RGPD3: variants seen among roughly 807,000 people sequenced by gnomAD.
The protein encoded by RGPD3 is RANBP2 like and GRIP domain containing 3.
Under a neutral mutation model 154.5 loss-of-function variants are expected in RGPD3, and 62 were observed. The observed-to-expected ratio is 0.40, with a 90% CI of 0.33 to 0.50. The LOEUF (loss-of-function observed/expected upper bound fraction) is 0.50. RGPD3 is among the 20% of genes least tolerant of loss of function. The pLI, the probability that RGPD3 is intolerant of heterozygous loss-of-function variation, is 0.59. For missense variants in RGPD3, 919 were observed against 1,716.8 expected (o/e 0.54, Z 8.21); for synonymous variants, 308 against 607.0 (o/e 0.51, Z 7.24).
At chr2:106,466,355 G>C (rs1389683426) in intron 1 of RGPD3, among the ~76,000 whole-genome samples, 9 of 149,980 alleles carry the variant, frequency 6.0e-5, no homozygotes, top group East Asian at 2.0e-4. Context: ...CTGAGCCATC[G>C]AGGCCGCCGC....
At chr2:106,455,053 C>A (rs571336858) in intron 4 of RGPD3, among the ~76,000 whole-genome samples, 2 of 152,176 alleles carry the variant, frequency 1.3e-5, no homozygotes. Flanking sequence ...GTAATCCCAG[C>A]ACTTTGGGAG....
In RGPD3 at chr2:106,457,216, A is replaced by C. The variant is rs1241324915; in HGVS notation, c.253-93T>G. 15 of 1,505,562 alleles carry C rather than the reference A, an allele frequency of 1.0e-5. No individual in the cohort carries two copies. In the East Asian group the frequency reaches 3.8e-4, roughly 38 times the overall value. 93.3% of individuals were successfully genotyped at this position (1,505,562 alleles called of 1,614,324 possible). Reference sequence around the variant, plus strand: ...TTATATACTTATATATAAAGGTTAAAAATTATCACTCCAACCCTTAAAAAA... The same window carrying C: ...TTATATACTTATATATAAAGGTTAACAATTATCACTCCAACCCTTAAAAAA... On this transcript the variant is annotated intron_variant, in intron 3 of 22. Transcript: ENST00000409886.
In RGPD3 at chr2:106,439,948, T is replaced by C. The variant is rs1677688693; in HGVS notation, c.1067-771A>G. Among the ~76,000 whole-genome samples, 5 of 110,244 alleles carry C rather than the reference T, an allele frequency of 4.5e-5. No homozygotes were observed. In the South Asian group the frequency reaches 1.6e-3, roughly 36 times the overall value. The allele number at this position is 110,244 out of a possible 152,430, so 72.3% of individuals were successfully genotyped here. The stretch of plus-strand genomic sequence containing the variant: ...AGGTTTACAGTAAGCAATCAAAAAA[T>C]CATAGTCCTCGGATAAAGTACTGAT... On this transcript the variant is annotated intron_variant, in intron 8 of 22. Coordinates refer to ENST00000409886, the MANE Select transcript of RGPD3 (RefSeq NM_001144013.2).
At position 106,405,308 on chromosome 2, in the gene RGPD3, T is replaced by C. The variant is rs950588300; in HGVS notation, c.5267-79A>G. ...TGTAAAATCTATATTTTAGAACCACTCTACAATATAAGCAAATAATGTCTT... is the reference window on the plus strand; with the variant it reads ...TGTAAAATCTATATTTTAGAACCACCCTACAATATAAGCAAATAATGTCTT... On this transcript the variant is annotated intron_variant, in intron 22 of 22. Transcript: ENST00000409886. 26 of 1,213,536 alleles carry C rather than the reference T, an allele frequency of 2.1e-5. No individual in the cohort carries two copies. In the African/African-American group the frequency reaches 3.1e-4, roughly 15 times the overall value. The allele number at this position is 1,213,536 out of a possible 1,614,324, so 75.2% of individuals were successfully genotyped here. A position where few individuals can be genotyped will look rare whatever the true frequency, so the allele number is the denominator to read the frequency against.
At chr2:106,418,865 G>T (rs1346195884) in intron 20 of RGPD3, among the ~76,000 whole-genome samples, 1 of 150,642 alleles carries the variant, frequency 6.6e-6, no homozygotes, top group African/African-American at 2.4e-5. Context: ...ACCACGCCTG[G>T]TCTAAACTGT....
chr2:106,446,373 C>T (rs1235925276), intron 7 of RGPD3, among the ~76,000 whole-genome samples: 2 of 152,042 alleles, frequency 1.3e-5, no homozygotes, highest in Admixed American at 6.6e-5. Flanking sequence ...TGAGACCATC[C>T]TGGCTAACAT....
intron 22 of RGPD3, among the ~76,000 whole-genome samples, chr2:106,412,185 C>T (rs1676690531): frequency 7.0e-6 from 1 of 142,966 alleles, no homozygotes; most frequent in Non-Finnish European, 1.5e-5. Flanking sequence ...TAAGATGCAG[C>T]TTGAATTCAG....
At chr2:106,412,028 C>T (rs564689158) in intron 22 of RGPD3, among the ~76,000 whole-genome samples, 29 of 146,548 alleles carry the variant, frequency 2.0e-4, no homozygotes, top group Non-Finnish European at 3.4e-4. Flanking sequence ...TCTAACTCTC[C>T]CCTATTTACG....
intron 4 of RGPD3, among the ~76,000 whole-genome samples, chr2:106,455,161 C>G (rs1367609825): frequency 6.6e-6 from 1 of 152,062 alleles, no homozygotes; most frequent in Non-Finnish European, 1.5e-5. Context: ...GAGCAAGACT[C>G]TGTCTCAAAA....
chr2:106,449,672 T>A (rs1678050289), intron 6 of RGPD3, among the ~76,000 whole-genome samples: 1 of 151,754 alleles, frequency 6.6e-6, no homozygotes, highest in Admixed American at 6.6e-5. Flanking sequence ...TGTCAAGAGA[T>A]TGAGACCTTC....
At chr2:106,459,805 CAG>C (rs1298295240) in intron 1 of RGPD3, among the ~76,000 whole-genome samples, 2 of 139,020 alleles carry the variant, frequency 1.4e-5, no homozygotes, top group African/African-American at 5.4e-5. Context: ...GCCTGGGCGA[CAG>C]AGACTCCATC....
chr2:106,457,188 T>C (rs1465425455), intron 3 of RGPD3, 65 bp from the exon 4 acceptor site: 2 of 1,531,666 alleles, frequency 1.3e-6, no homozygotes, highest in Non-Finnish European at 1.8e-6. Context: ...GGAGTATATA[T>C]ACTTATATAC....
chr2:106,448,836 G>A (rs1187172776), intron 6 of RGPD3, among the ~76,000 whole-genome samples: 9 of 151,344 alleles, frequency 5.9e-5, no homozygotes, highest in Admixed American at 1.3e-4. Flanking sequence ...GACTATAGGC[G>A]CGTACCAACA....
At chr2:106,411,138 A>G (rs1676658148) in intron 22 of RGPD3, among the ~76,000 whole-genome samples, 1 of 148,226 alleles carries the variant, frequency 6.7e-6, no homozygotes, top group African/African-American at 2.5e-5. Context: ...GGGGACCAGC[A>G]ATTGGAATTT....
At chr2:106,425,331 C>A in intron 19 of RGPD3, 65 bp from the exon 20 acceptor site, 1 of 1,600,828 alleles carries the variant, frequency 6.2e-7, no homozygotes, top group South Asian at 1.1e-5. Context: ...AAATACATAC[C>A]TTCTTCATTC....
intron 1 of RGPD3, among the ~76,000 whole-genome samples, chr2:106,464,266 G>C (rs750060781): frequency 6.6e-6 from 1 of 150,848 alleles, no homozygotes; most frequent in African/African-American, 2.4e-5. Flanking sequence ...GTGTGAACCC[G>C]GGAGGCAGAG....
intron 21 of RGPD3, among the ~76,000 whole-genome samples, chr2:106,414,161 C>G (rs1346208266): frequency 6.6e-6 from 1 of 151,870 alleles, no homozygotes; most frequent in African/African-American, 2.4e-5. Context: ...ATATCATGTT[C>G]AAGTCTTTGA....
intron 22 of RGPD3, among the ~76,000 whole-genome samples, chr2:106,409,871 C>CTTTT (rs57602292): frequency 3.8e-4 from 36 of 94,434 alleles, no homozygotes; most frequent in African/African-American, 4.4e-4. Flanking sequence ...TTGTAGTTTA[C>CTTTT]TTTTTTTTTT....
chr2:106,464,718 A>C (rs1318975369), intron 1 of RGPD3, among the ~76,000 whole-genome samples: 1 of 146,958 alleles, frequency 6.8e-6, no homozygotes, highest in African/African-American at 2.5e-5. Flanking sequence ...AAAATTATAT[A>C]TTTTTTTCTT....
Sources: allele counts gnomAD v4.1 joint callset (sites outside exome capture counted in the v4.1 genomes callset), GRCh38; gene constraint gnomAD v4.1.1; transcripts MANE v1.5; gene names NCBI Gene and HGNC (gene_info 2026-07-23, HGNC 2026-07-21).